Variants in SLC3A1 observed in about 807,000 individuals in gnomAD.
SLC3A1 encodes amino acid transporter heavy chain SLC3A1.
Under a neutral mutation model 60.3 loss-of-function variants are expected in SLC3A1, and 78 were observed. The ratio of observed to expected loss-of-function variants is 1.29; its 90% CI spans 1.08 to 1.56. The LOEUF (loss-of-function observed/expected upper bound fraction) is 1.56, where lower values mean the gene tolerates loss of function less well. Among genes scored for constraint, SLC3A1 ranks in the 40% most tolerant of loss-of-function variants. SLC3A1 has a pLI of 0.00. For synonymous variants in SLC3A1, 392 were observed against 307.9 expected, an observed-to-expected ratio of 1.27 and a Z score of -2.86; for missense variants, 1,172 against 858.9, an observed-to-expected ratio of 1.36 and a Z score of -4.56.
chr2:44,281,813 G>A (rs1044469387), intron 3 of SLC3A1, among the ~76,000 whole-genome samples: 1 of 151,812 alleles, frequency 6.6e-6, no homozygotes, highest in Non-Finnish European at 1.5e-5. Context: ...CTTCCTACCC[G>A]GTCCAACTTG....
chr2:44,311,734 A>AC (rs1672302776), intron 7 of SLC3A1, among the ~76,000 whole-genome samples: 1 of 151,566 alleles, frequency 6.6e-6, no homozygotes, highest in African/African-American at 2.4e-5. Context: ...AAAAAAAAAA[A>AC]AACCCAACCT....
intron 5 of SLC3A1, among the ~76,000 whole-genome samples, chr2:44,300,690 T>C (rs1671982083): frequency 1.3e-5 from 2 of 151,996 alleles, no homozygotes; most frequent in Non-Finnish European, 2.9e-5. Flanking sequence ...ACTAAGATCT[T>C]TTTTTTTGTT....
intron 1 of SLC3A1, among the ~76,000 whole-genome samples, chr2:44,277,103 CTTTTTTT>C (rs1222833364): frequency 1.1e-5 from 1 of 94,838 alleles, no homozygotes; most frequent in Admixed American, 1.1e-4. Flanking sequence ...TCTCTCTCTT[CTTTTTTT>C]TTTTTTTTTT....
downstream of SLC3A1, among the ~76,000 whole-genome samples, chr2:44,322,251 G>A (rs1673045166): frequency 6.6e-6 from 1 of 152,090 alleles, no homozygotes; most frequent in Non-Finnish European, 1.5e-5. Flanking sequence ...TGAATACAGG[G>A]AGACTGATAT....
At chr2:44,317,965 TAGAA>T (rs1558473377) in intron 9 of SLC3A1, 2 of 267,434 alleles carry the variant, frequency 7.5e-6, no homozygotes, top group African/African-American at 2.4e-5. Context: ...AAGCAAATAA[TAGAA>T]AGCTTGCAAC....
intron 6 of SLC3A1, chr2:44,303,801 A>T (rs28558584): frequency 0.014 from 6,056 of 448,366 alleles, 302 homozygotes; most frequent in African/African-American, 0.11. Flanking sequence ...TCGTTATTCA[A>T]CTCCCACCTA....
intron 9 of SLC3A1, chr2:44,319,384 A>C (rs570195776): frequency 1.3e-5 from 2 of 152,726 alleles, no homozygotes; most frequent in East Asian, 1.9e-4. Flanking sequence ...AGTAATACAA[A>C]AATGGGGGGA....
At chr2:44,317,630 T>C (rs1447831008) in intron 9 of SLC3A1, 1 of 152,458 alleles carries the variant, frequency 6.6e-6, no homozygotes, top group East Asian at 1.9e-4. Flanking sequence ...ATAATTTTAA[T>C]GGTAAAATTA....
At chr2:44,293,076 T>C (rs552188102) in intron 4 of SLC3A1, among the ~76,000 whole-genome samples, 1 of 152,184 alleles carries the variant, frequency 6.6e-6, no homozygotes, top group East Asian at 1.9e-4. Context: ...AGGAGTCCCC[T>C]GTGAATCCCA....
At chr2:44,308,376 A>C (rs1442925840) in intron 7 of SLC3A1, among the ~76,000 whole-genome samples, 1 of 152,218 alleles carries the variant, frequency 6.6e-6, no homozygotes, top group Non-Finnish European at 1.5e-5. Flanking sequence ...TAAATTTTAG[A>C]ATAGCCAACT....
At chr2:44,293,810 C>T (rs966416165) in intron 4 of SLC3A1, among the ~76,000 whole-genome samples, 2 of 152,176 alleles carry the variant, frequency 1.3e-5, no homozygotes, top group Admixed American at 6.5e-5. Flanking sequence ...TCTGCTGCCA[C>T]CACTTACCAA....
intron 9 of SLC3A1, 65 bp from the exon 10 acceptor site, chr2:44,320,134 T>C (rs148486441): frequency 7.1e-7 from 1 of 1,408,420 alleles, no homozygotes; most frequent in African/African-American, 1.4e-5. Flanking sequence ...TTACAATATA[T>C]TAAAAATACT....
Position 44,321,331 on chromosome 2 carries a change from C to A in SLC3A1, c.*692C>A. 1 of 1,550,286 alleles carries A rather than the reference C, an allele frequency of 6.5e-7. No individual in the cohort carries two copies. The highest frequency in any genetic ancestry group is 8.9e-7 in the Non-Finnish European group (1 of 1,125,366). ...GACTATGAAATATTTCAGTGTGTTT[C>A]CAATTCCCAGTTGAATGCAGTGTTT... On this transcript the variant is annotated 3_prime_UTR_variant, in exon 10 of 10. Transcript: ENST00000260649.
rs752811552 is a variant in SLC3A1, at chr2:44,300,046, A to G, written c.967A>G (p.Lys323Glu). The G allele has an allele frequency of 1.9e-6, 3 of 1,613,910 alleles. No individual in the cohort carries two copies. The South Asian group carries it at 3.3e-5, about 18-fold the overall frequency. ...TGCTGTTAAATTCCTCCTAGAAGCA[A>G]AGCACCTGAGAGATGAGATCCAAGT... ...LDAVKFLLEA[K>E]HLRDEIQVNK... Residue 323 changes from lysine (K) to glutamate (E), a missense_variant, in exon 5 of 10, where the codon AAG becomes GAG. Transcript: ENST00000260649.
chr2:44,292,017 T>C (rs1158907428), intron 4 of SLC3A1, among the ~76,000 whole-genome samples: 6 of 152,194 alleles, frequency 3.9e-5, no homozygotes, highest in African/African-American at 1.2e-4. Flanking sequence ...TACTTTATAC[T>C]TTCCCAATCA....
Position 44,321,004 on chromosome 2 carries a change from G to A in SLC3A1, c.*365G>A. The A allele has an allele frequency of 2.6e-6, 1 of 382,562 alleles. No individual in the cohort carries two copies. The highest frequency in any genetic ancestry group is 4.8e-6 in the Non-Finnish European group (1 of 208,102). 23.7% of individuals were successfully genotyped at this position (382,562 alleles called of 1,614,324 possible). The stretch of plus-strand genomic sequence containing the variant: ...TGACTCACTGCCACAGTGTCTAAAA[G>A]CATTTGCTAGCAAAGAGGCAGGACA... On this transcript the variant is annotated 3_prime_UTR_variant, in exon 10 of 10. Coordinates refer to ENST00000260649, the MANE Select transcript of SLC3A1 (RefSeq NM_000341.4).
At chr2:44,298,620 C>G (rs1671917109) in intron 4 of SLC3A1, among the ~76,000 whole-genome samples, 1 of 152,218 alleles carries the variant, frequency 6.6e-6, no homozygotes, top group African/African-American at 2.4e-5. Flanking sequence ...TCAAGTGATC[C>G]ACTTGCCTCG....
chr2:44,280,211 G>A (rs548127672), intron 1 of SLC3A1, among the ~76,000 whole-genome samples: 4 of 152,064 alleles, frequency 2.6e-5, no homozygotes, highest in East Asian at 3.9e-4. Flanking sequence ...AAATGTCATC[G>A]ATTACTGATA....
At chr2:44,317,778 C>G (rs1327373286) in intron 9 of SLC3A1, 1 of 152,492 alleles carries the variant, frequency 6.6e-6, no homozygotes, top group Non-Finnish European at 1.5e-5. Context: ...GAAAAAAACC[C>G]TAAACAATAG....
Sources: allele counts gnomAD v4.1 joint callset (sites outside exome capture counted in the v4.1 genomes callset), GRCh38; gene constraint gnomAD v4.1.1; transcripts MANE v1.5; gene names NCBI Gene and HGNC (gene_info 2026-07-23, HGNC 2026-07-21).